PDHX: variants seen among roughly 807,000 people sequenced by gnomAD.
PDHX encodes pyruvate dehydrogenase protein X component, mitochondrial.
In PDHX, 33 loss-of-function variants were observed where a neutral mutation model predicts 55.3. The observed-to-expected ratio is 0.60, with a 90% confidence interval of 0.45 to 0.80. The LOEUF is 0.80. Among genes scored for constraint, PDHX ranks in the 30% least tolerant of loss-of-function variants. The pLI is 0.00. For synonymous variants in PDHX, 226 were observed against 219.4 expected (o/e 1.03, Z -0.27); for missense variants, 622 against 619.9 (o/e 1.00, Z -0.04).
chr11:34,931,498 T>G lies in PDHX; in HGVS notation c.241+14T>G. The G allele has an allele frequency of 6.8e-7, 1 of 1,469,416 alleles. No individual in the cohort carries two copies. Among genetic ancestry groups the G allele is most frequent in the Non-Finnish European group, 9.5e-7 (1 of 1,051,364 alleles). 91.0% of individuals were successfully genotyped at this position (1,469,416 alleles called of 1,614,324 possible). A position where few individuals can be genotyped will look rare whatever the true frequency, so the allele number is the denominator to read the frequency against. On this transcript the variant is annotated intron_variant, in intron 2 of 10. Coordinates refer to ENST00000227868, the MANE Select transcript of PDHX (RefSeq NM_003477.3). ...TGAAAAAGGAAGGTGAGGAGGTACC[T>G]TCCTAATGTCCTGTGTGCTTTGTTA...
chr11:34,957,505 A>C lies in PDHX; in HGVS notation c.464A>C (p.Lys155Thr). The part of the protein sequence containing the change: ...KDVGPPPPVS[K>T]PSEPRPSPEP... Reference sequence around the variant, plus strand: ...GTAGGTCCTCCACCACCAGTTTCAAAACCTTCAGAGCCTCGCCCCTCACCA... The same window carrying C: ...GTAGGTCCTCCACCACCAGTTTCAACACCTTCAGAGCCTCGCCCCTCACCA... The change falls in exon 4 of 11, where the codon AAA becomes ACA. Residue 155 changes from lysine (K) to threonine (T), a missense_variant. Coordinates refer to ENST00000227868, the MANE Select transcript of PDHX (RefSeq NM_003477.3). The C allele has an allele frequency of 6.2e-7, 1 of 1,614,126 alleles. No homozygotes were observed. Among genetic ancestry groups the C allele is most frequent in the Non-Finnish European group, 8.5e-7 (1 of 1,180,014 alleles).
chr11:34,919,995 A>G (rs1222307457), intron 1 of PDHX, among the ~76,000 whole-genome samples: 1 of 152,232 alleles, frequency 6.6e-6, no homozygotes, highest in East Asian at 1.9e-4. Context: ...TCAATAGTGT[A>G]TACAGTAAGC....
At chr11:34,977,917 C>T (rs1169696339) in intron 7 of PDHX, 3 of 597,408 alleles carry the variant, frequency 5.0e-6, no homozygotes, top group South Asian at 1.6e-5. Context: ...AGTAAACTTA[C>T]ATTCATGGTT....
chr11:34,932,978 T>C (rs1854214831), intron 2 of PDHX, among the ~76,000 whole-genome samples: 1 of 152,124 alleles, frequency 6.6e-6, no homozygotes, highest in African/African-American at 2.4e-5. Context: ...GTGAGTATAG[T>C]ATATATCATT....
chr11:34,969,970 AT>A, intron 6 of PDHX, among the ~76,000 whole-genome samples, 168 bp from the exon 7 acceptor site: 1 of 152,286 alleles, frequency 6.6e-6, no homozygotes, highest in African/African-American at 2.4e-5. Context: ...GATTTTTTAT[AT>A]TCTTCCCTTA....
Position 34,954,000 on chromosome 11 carries a change from G to A in PDHX, c.343-3384G>A, listed in dbSNP as rs573900996. ...TGTTCTCATTTTCAGTATTTCTTAT[G>A]TACTTCCTTATAAACCAAAGTTCAT... is the stretch of plus-strand genomic sequence containing the variant. On this transcript the variant is annotated intron_variant, in intron 3 of 10. Coordinates refer to ENST00000227868, the MANE Select transcript of PDHX (RefSeq NM_003477.3). Among the ~76,000 whole-genome samples the A allele has an allele frequency of 3.2e-4, 49 of 152,166 alleles. No individual in the cohort carries two copies. In the East Asian group the frequency reaches 7.3e-3, roughly 23 times the overall value.
intron 1 of PDHX, among the ~76,000 whole-genome samples, chr11:34,924,983 T>A (rs1853985349): frequency 6.6e-6 from 1 of 152,212 alleles, no homozygotes; most frequent in Non-Finnish European, 1.5e-5. Flanking sequence ...AAATATTCAG[T>A]GTTTACATTA....
intron 5 of PDHX, among the ~76,000 whole-genome samples, chr11:34,963,825 C>T (rs949239754): frequency 2.6e-5 from 4 of 152,176 alleles, no homozygotes; most frequent in African/African-American, 7.2e-5. Context: ...AAAGCAGTGT[C>T]GAGGCCACAA....
intron 1 of PDHX, among the ~76,000 whole-genome samples, chr11:34,928,291 A>G (rs1480742730): frequency 1.3e-5 from 2 of 152,094 alleles, no homozygotes; most frequent in Non-Finnish European, 2.9e-5. Flanking sequence ...TTGATATATA[A>G]ATGTAATATG....
chr11:34,952,650 C>G (rs1202173635), intron 3 of PDHX, among the ~76,000 whole-genome samples: 14 of 151,908 alleles, frequency 9.2e-5, no homozygotes, highest in African/African-American at 3.4e-4. Context: ...ACCCTTCATG[C>G]TAAAAACTCT....
At chr11:34,977,972 C>T in intron 7 of PDHX, 152 bp from the exon 8 acceptor site, 1 of 620,106 alleles carries the variant, frequency 1.6e-6, no homozygotes, top group Non-Finnish European at 3.0e-6. Flanking sequence ...TTTTTCTAAT[C>T]ATGGGAACCT....
At chr11:34,925,074 A>G (rs1268113526) in intron 1 of PDHX, among the ~76,000 whole-genome samples, 1 of 152,142 alleles carries the variant, frequency 6.6e-6, no homozygotes, top group Non-Finnish European at 1.5e-5. Flanking sequence ...GCTGCCCTTT[A>G]AATTTTTAGT....
intron 8 of PDHX, among the ~76,000 whole-genome samples, chr11:34,983,239 A>T (rs113777416): frequency 0.047 from 7,140 of 151,988 alleles, 533 homozygotes; most frequent in African/African-American, 0.16. Context: ...CATGCTAAAA[A>T]CTCTCAATAA....
chr11:34,934,179 C>T (rs1050694408), intron 2 of PDHX, among the ~76,000 whole-genome samples: 2 of 152,118 alleles, frequency 1.3e-5, no homozygotes, highest in African/African-American at 2.4e-5. Flanking sequence ...AGCCAGTGAT[C>T]ATTAATAGCT....
chr11:34,930,646 C>T (rs1854137400), intron 1 of PDHX, among the ~76,000 whole-genome samples: 1 of 152,110 alleles, frequency 6.6e-6, no homozygotes, highest in African/African-American at 2.4e-5. Context: ...TTGAATGTAA[C>T]CCTGGACGGT....
intron 5 of PDHX, among the ~76,000 whole-genome samples, chr11:34,965,348 T>C (rs533928176): frequency 1.3e-5 from 2 of 152,286 alleles, no homozygotes; most frequent in East Asian, 3.9e-4. Context: ...GTGGTCTCCA[T>C]AGGCGGTTCA....
At chr11:34,953,111 A>G (rs894436388) in intron 3 of PDHX, among the ~76,000 whole-genome samples, 1 of 152,084 alleles carries the variant, frequency 6.6e-6, no homozygotes, top group Non-Finnish European at 1.5e-5. Context: ...AGAGAATAAA[A>G]TACTTAGGAA....
chr11:34,946,344 GT>G (rs2133961623), intron 2 of PDHX, among the ~76,000 whole-genome samples: 1 of 151,218 alleles, frequency 6.6e-6, no homozygotes, highest in South Asian at 2.1e-4. Context: ...GTTTTTGGAT[GT>G]CCTCAAGTAC....
At chr11:34,942,861 T>C (rs1377498719) in intron 2 of PDHX, among the ~76,000 whole-genome samples, 2 of 152,112 alleles carry the variant, frequency 1.3e-5, no homozygotes, top group Non-Finnish European at 2.9e-5. Context: ...TCTTCTACCC[T>C]CTCCCTTGGC....
Sources: allele counts gnomAD v4.1 joint callset (sites outside exome capture counted in the v4.1 genomes callset), GRCh38; gene constraint gnomAD v4.1.1; transcripts MANE v1.5; gene names NCBI Gene and HGNC (gene_info 2026-07-23, HGNC 2026-07-21).